The following CHST9 variants were observed in gnomAD, a reference collection of about 807,000 sequenced individuals.
The protein encoded by CHST9 is carbohydrate sulfotransferase 9.
In CHST9, 41 loss-of-function variants were observed where a neutral mutation model predicts 44.4. The observed-to-expected ratio is 0.92, with a 90% CI of 0.72 to 1.20. The LOEUF is 1.20. Ranked by LOEUF, CHST9 falls within the 50% of genes most tolerant of loss-of-function variation. The pLI is 0.00. For synonymous variants in CHST9, 171 were observed against 178.4 expected (o/e 0.96, Z 0.33); for missense variants, 504 against 516.5 (o/e 0.98, Z 0.23).
intron 2 of CHST9, among the ~76,000 whole-genome samples, chr18:27,054,214 A>G (rs765176806): frequency 6.6e-6 from 1 of 152,234 alleles, no homozygotes; most frequent in Non-Finnish European, 1.5e-5. Context: ...TTTAGCAGGT[A>G]TGTATATTAC....
At chr18:27,142,565 T>A (rs2058576586) in intron 2 of CHST9, 124 bp downstream of exon 2, 9 of 668,088 alleles carry the variant, frequency 1.3e-5, no homozygotes, top group Non-Finnish European at 2.0e-5. Context: ...TTTTATCTTA[T>A]GACTCATTTT....
chr18:27,158,453 C>T (rs1438743230), intron 1 of CHST9, among the ~76,000 whole-genome samples: 1 of 150,990 alleles, frequency 6.6e-6, no homozygotes, highest in African/African-American at 2.4e-5. Flanking sequence ...TTTATGGCTG[C>T]ATAGTATTCC....
At chr18:26,938,962 C>G (rs143572586) in intron 5 of CHST9, among the ~76,000 whole-genome samples, 290 of 152,300 alleles carry the variant, frequency 1.9e-3, no homozygotes, top group Non-Finnish European at 2.6e-3. Flanking sequence ...AGCAGCCCCT[C>G]TAGCTACTAG....
At position 27,127,118 on chromosome 18, in the gene CHST9, A is replaced by T. The variant is rs1041894049; in HGVS notation, c.121+15571T>A. Among the ~76,000 whole-genome samples, 3 of 152,182 alleles carry T rather than the reference A, an allele frequency of 2.0e-5. 1 individual carries two copies. Among genetic ancestry groups the T allele is most frequent in the African/African-American group, 7.2e-5 (3 of 41,434 alleles). ...TACTGAGTTTAAGGGGTCTGGAGAC[A>T]TTCAAGTATAGATGCCCAGGGAACA... On this transcript the variant is annotated intron_variant, in intron 2 of 5. Coordinates refer to ENST00000618847, the MANE Select transcript of CHST9 (RefSeq NM_031422.6).
At chr18:27,053,289 A>AAGG (rs1428565468) in intron 2 of CHST9, among the ~76,000 whole-genome samples, 4 of 125,892 alleles carry the variant, frequency 3.2e-5, no homozygotes, top group Admixed American at 8.1e-5. Context: ...GGAGAAGGAG[A>AAGG]AGGAGAAGGA....
chr18:26,916,272 G>A lies in CHST9; in HGVS notation c.1319C>T (p.Thr440Ile), dbSNP rs534240641. 2 of 1,560,570 alleles carry A rather than the reference G, an allele frequency of 1.3e-6. No homozygotes were observed. The highest frequency in any genetic ancestry group is 2.3e-5 in the East Asian group (1 of 44,362). The change falls in exon 6 of 6, where the codon ACT becomes ATT. Residue 440 changes from threonine (T) to isoleucine (I), a missense_variant. Physicochemically the swap from Thr to Ile is moderately conservative, Grantham distance 89. Transcript: ENST00000618847. ...YLDYLMFNYT[T>I]PFL Reference sequence around the variant, plus strand: ...AATGAATGCAAACTACAAAAATGGAGTTGTATAATTAAACATTAAATAGTC... The same window carrying A: ...AATGAATGCAAACTACAAAAATGGAATTGTATAATTAAACATTAAATAGTC...
chr18:26,912,372 AATACACACACACACACACACAC>A lies in CHST9; in HGVS notation c.*3865_*3886del, dbSNP rs1367973629. 1 of 146,098 alleles carries A rather than the reference AATACACACACACACACACACAC, an allele frequency of 6.8e-6. No homozygotes were observed. Among genetic ancestry groups the A allele is most frequent in the Non-Finnish European group, 1.5e-5 (1 of 66,516 alleles). 9.1% of individuals were successfully genotyped at this position (146,098 alleles called of 1,614,324 possible). ...TTGAAATGTGATAACTAACTAGCTA[AATACACACACACACACACACAC>A]ACACACACACACACACACAGACACC... On this transcript the variant is annotated 3_prime_UTR_variant, in exon 6 of 6. Transcript: ENST00000618847.
intron 4 of CHST9, among the ~76,000 whole-genome samples, chr18:27,007,227 T>C (rs1277631518): frequency 6.6e-6 from 1 of 152,200 alleles, no homozygotes; most frequent in East Asian, 1.9e-4. Flanking sequence ...CCTGTTTCCA[T>C]AGTCAGTGAG....
At chr18:27,026,545 T>C (rs2057287184) in intron 3 of CHST9, among the ~76,000 whole-genome samples, 1 of 152,190 alleles carries the variant, frequency 6.6e-6, no homozygotes, top group Admixed American at 6.5e-5. Context: ...AGTATATAGC[T>C]CTTTAAAGGC....
chr18:27,003,309 A>T (rs1256915353), intron 4 of CHST9, among the ~76,000 whole-genome samples: 1 of 152,136 alleles, frequency 6.6e-6, no homozygotes, highest in African/African-American at 2.4e-5. Flanking sequence ...AATCATATTC[A>T]TGATTCCCAG....
rs1439300056 is a variant in CHST9 at position 26,977,989 on chromosome 18, T to C, written c.203-33623A>G. On this transcript the variant is annotated intron_variant, in intron 4 of 5. Transcript: ENST00000618847. ...TGTTCATCAGTGAATGCTAAATGAG[T>C]CCCCTTTGTAGATGCAGGCAGAAAG... Among the ~76,000 whole-genome samples the C allele has an allele frequency of 4.6e-5, 7 of 151,660 alleles. No homozygotes were observed. The East Asian group carries it at 9.7e-4, about 21-fold the overall frequency.
At chr18:26,928,273 C>G (rs2055811537) in intron 5 of CHST9, 1 of 152,826 alleles carries the variant, frequency 6.5e-6, no homozygotes, top group Non-Finnish European at 1.5e-5. Flanking sequence ...TAAGATGACA[C>G]TGGAAAAGGG....
intron 3 of CHST9, among the ~76,000 whole-genome samples, chr18:27,032,041 T>G (rs2057346419): frequency 6.6e-6 from 1 of 152,040 alleles, no homozygotes; most frequent in South Asian, 2.1e-4. Flanking sequence ...AGGTCACAGA[T>G]TTGCCAAGTG....
At chr18:27,048,155 C>G (rs1353665512) in intron 3 of CHST9, among the ~76,000 whole-genome samples, 1 of 152,148 alleles carries the variant, frequency 6.6e-6, no homozygotes, top group Non-Finnish European at 1.5e-5. Context: ...TGTCAACTAT[C>G]ACATCACAAT....
At chr18:27,105,428 C>A (rs1202696274) in intron 2 of CHST9, among the ~76,000 whole-genome samples, 1 of 151,982 alleles carries the variant, frequency 6.6e-6, no homozygotes, top group Non-Finnish European at 1.5e-5. Context: ...CCTGGAGAGT[C>A]TCATAATAAA....
At chr18:27,062,460 C>CT in intron 2 of CHST9, among the ~76,000 whole-genome samples, 1 of 152,272 alleles carries the variant, frequency 6.6e-6, no homozygotes, top group East Asian at 1.9e-4. Flanking sequence ...TGGTTTCCAG[C>CT]TTCATCCATG....
At chr18:27,036,618 TC>T (rs1472989747) in intron 3 of CHST9, among the ~76,000 whole-genome samples, 2 of 152,106 alleles carry the variant, frequency 1.3e-5, no homozygotes, top group Non-Finnish European at 2.9e-5. Context: ...CATCAAAACT[TC>T]CTACCTGCCT....
chr18:27,081,933 A>G (rs756152969), intron 2 of CHST9, among the ~76,000 whole-genome samples: 52 of 152,290 alleles, frequency 3.4e-4, no homozygotes, highest in Middle Eastern at 3.4e-3. Context: ...CTTAATTAAA[A>G]ATATAAACCC....
At chr18:26,997,069 A>C (rs905067612) in intron 4 of CHST9, among the ~76,000 whole-genome samples, 3 of 152,206 alleles carry the variant, frequency 2.0e-5, no homozygotes. Context: ...TTGCTTTACC[A>C]CTTGCTAGCT....
Sources: allele counts gnomAD v4.1 joint callset (sites outside exome capture counted in the v4.1 genomes callset), GRCh38; gene constraint gnomAD v4.1.1; transcripts MANE v1.5; gene names NCBI Gene and HGNC (gene_info 2026-07-23, HGNC 2026-07-21).